The following TMEM14B variants were observed in gnomAD, a reference collection of about 807,000 sequenced individuals.
TMEM14B encodes the protein transmembrane protein 14B.
TMEM14B carries 9 observed loss-of-function variants against 14.8 expected under a neutral mutation model. The observed-to-expected ratio is 0.61, with a 90% CI of 0.37 to 1.06. The LOEUF (loss-of-function observed/expected upper bound fraction) is 1.06, where lower values mean the gene tolerates loss of function less well. Among genes scored for constraint, TMEM14B ranks in the 50% least tolerant of loss-of-function variants. TMEM14B has a pLI of 0.01. For synonymous variants in TMEM14B, 40 were observed against 51.3 expected (o/e 0.78, Z 0.94); for missense variants, 128 against 143.6 (o/e 0.89, Z 0.56).
At chr6:10,753,169 G>A (rs1771658154) in intron 4 of TMEM14B, among the ~76,000 whole-genome samples, 1 of 150,904 alleles carries the variant, frequency 6.6e-6, no homozygotes, top group Non-Finnish European at 1.5e-5. Context: ...CCGGGAAGTG[G>A]AGGTCGCGGT....
Position 10,749,619 on chromosome 6 carries a change from C to T in TMEM14B, c.24-3C>T, listed in dbSNP as rs1317296161. On this transcript the variant is annotated splice_polypyrimidine_tract_variant and splice_region_variant and intron_variant, in intron 2 of 5. Transcript: ENST00000379542. ...TTCTCACTGACTTCTCTTGTGTTTT[C>T]AGAGTGCCTTTGCATTGGTTTGGCT... The T allele has an allele frequency of 6.2e-7, 1 of 1,614,232 alleles. No individual in the cohort carries two copies. The highest frequency in any genetic ancestry group is 1.7e-5 in the Admixed American group (1 of 60,022).
intron 4 of TMEM14B, among the ~76,000 whole-genome samples, chr6:10,753,738 A>T (rs1238749160): frequency 6.6e-6 from 1 of 151,810 alleles, no homozygotes; most frequent in Non-Finnish European, 1.5e-5. Context: ...TCGGTTCTTG[A>T]TTGCTCTCTT....
At chr6:10,749,330 C>T in intron 2 of TMEM14B, 62 bp downstream of exon 2, 3 of 1,594,336 alleles carry the variant, frequency 1.9e-6, no homozygotes, top group Non-Finnish European at 2.6e-6. Flanking sequence ...AGTTCCTTTC[C>T]TCAGCTGAAA....
downstream of TMEM14B, chr6:10,757,024 G>A (rs1269665039): frequency 1.0e-6 from 1 of 967,820 alleles, no homozygotes; most frequent in African/African-American, 1.8e-5. Flanking sequence ...CTAGTTCATA[G>A]AATGAGATGT....
At chr6:10,752,406 G>T (rs1021437116) in intron 4 of TMEM14B, among the ~76,000 whole-genome samples, 3 of 149,116 alleles carry the variant, frequency 2.0e-5, no homozygotes, top group African/African-American at 7.4e-5. Context: ...GTGGATCCCC[G>T]CATTGATATT....
chr6:10,757,775 G>A (rs186081826), downstream of TMEM14B, among the ~76,000 whole-genome samples: 63 of 152,278 alleles, frequency 4.1e-4, no homozygotes, highest in African/African-American at 1.4e-3. Context: ...TGGATCACCT[G>A]AGGTCAGGAG....
intron 5 of TMEM14B, chr6:10,755,648 G>C: frequency 8.8e-7 from 1 of 1,131,838 alleles, no homozygotes; most frequent in South Asian, 3.3e-5. Context: ...AAACCAAATT[G>C]TGGTTTTTAA....
intron 3 of TMEM14B, 36 bp from the exon 4 acceptor site, chr6:10,751,097 G>T: frequency 6.2e-7 from 1 of 1,611,450 alleles, no homozygotes; most frequent in South Asian, 1.1e-5. Flanking sequence ...ATAAGTGCCT[G>T]ACATTACAAT....
intron 5 of TMEM14B, 43 bp from the exon 6 acceptor site, chr6:10,756,424 C>A: frequency 6.2e-7 from 1 of 1,609,068 alleles, no homozygotes. Flanking sequence ...GTTGCCTGTT[C>A]TATCCTTTAC....
In TMEM14B at chr6:10,748,539, C is replaced by T. The variant is rs183650720; in HGVS notation, c.-45+658C>T. On this transcript the variant is annotated intron_variant, in intron 1 of 5. Coordinates refer to ENST00000379542, the MANE Select transcript of TMEM14B (RefSeq NM_030969.5). ...AAGTACTGGGATTACAGGCGTGAGC[C>T]ACTTTGCCTGGCCTAATTCTTTAAA... is the stretch of plus-strand genomic sequence containing the variant. 6.6e-5 allele frequency among the ~76,000 whole-genome samples: 10 copies of T among 152,312 alleles called. No individual in the cohort carries two copies. The East Asian group carries it at 1.7e-3, about 26-fold the overall frequency.
chr6:10,756,124 G>T (rs533157748), intron 5 of TMEM14B, among the ~76,000 whole-genome samples: 1 of 152,298 alleles, frequency 6.6e-6, no homozygotes, highest in African/African-American at 2.4e-5. Flanking sequence ...ATGGAGCAAG[G>T]TCTAGAACAG....
At chr6:10,749,301 A>G in intron 2 of TMEM14B, 33 bp downstream of exon 2, 2 of 1,613,638 alleles carry the variant, frequency 1.2e-6, no homozygotes, top group Non-Finnish European at 1.7e-6. Context: ...GAGAGTAGCC[A>G]GGAGCTTCTG....
At chr6:10,750,297 G>A (rs1029860485) in intron 3 of TMEM14B, among the ~76,000 whole-genome samples, 2 of 151,836 alleles carry the variant, frequency 1.3e-5, no homozygotes, top group East Asian at 1.9e-4. Flanking sequence ...GTACTTGAGC[G>A]AGTTAGAGAA....
chr6:10,749,325 C>G, intron 2 of TMEM14B, 57 bp downstream of exon 2: 18 of 1,596,962 alleles, frequency 1.1e-5, no homozygotes, highest in Non-Finnish European at 1.5e-5. Context: ...ACCAGAGTTC[C>G]TTTCCTCAGC....
Position 10,755,211 on chromosome 6 carries a change from T to C in TMEM14B, c.272T>C (p.Val91Ala). Residue 91 changes from valine (V) to alanine (A), a missense_variant, in exon 5 of 6, where the codon GTA becomes GCA. By Grantham distance (64) the Val-to-Ala change is moderately conservative. Transcript: ENST00000379542. The stretch of plus-strand genomic sequence containing the variant: ...TACTACTATGGAAAATTCATGCCTG[T>C]AGGTTTAATTGCAGGTGCCAGGTAC... ...RSYYYGKFMP[V>A]GLIAGASLLM... The C allele has an allele frequency of 1.2e-5, 19 of 1,614,242 alleles. No homozygotes were observed. Among genetic ancestry groups the C allele is most frequent in the Middle Eastern group, 3.3e-4 (2 of 6,062 alleles).
Position 10,755,225 on chromosome 6 carries a change from G to A in TMEM14B, c.286G>A (p.Gly96Ser). The A allele has an allele frequency of 6.2e-7, 1 of 1,614,188 alleles. No individual in the cohort carries two copies. The highest frequency in any genetic ancestry group is 1.1e-5 in the South Asian group (1 of 91,080). ...ATTCATGCCTGTAGGTTTAATTGCA[G>A]GTGCCAGGTACTTTCATTCTATTAC... ...GKFMPVGLIA[G>S]ASLLMAAKVG... The change falls in exon 5 of 6, where the codon GGT becomes AGT. Residue 96 changes from glycine (G) to serine (S), a missense_variant. Gly to Ser is a moderately conservative substitution (Grantham distance 56). Transcript: ENST00000379542.
chr6:10,754,704 C>A (rs556677897), intron 4 of TMEM14B, among the ~76,000 whole-genome samples: 1 of 152,282 alleles, frequency 6.6e-6, no homozygotes, highest in South Asian at 2.1e-4. Context: ...AAGACAGTTA[C>A]GATTACTTTT....
intron 3 of TMEM14B, 46 bp downstream of exon 3, chr6:10,749,744 C>T: frequency 6.2e-7 from 1 of 1,605,002 alleles, no homozygotes; most frequent in Non-Finnish European, 8.5e-7. Context: ...TCACGTTGTT[C>T]CAGTGAAATG....
intron 4 of TMEM14B, 30 bp from the exon 5 acceptor site, chr6:10,755,112 A>C: frequency 6.2e-7 from 1 of 1,611,012 alleles, no homozygotes; most frequent in Non-Finnish European, 8.5e-7. Flanking sequence ...AAGACTAATG[A>C]GTTTTGACCC....
Sources: gnomAD v4.1 joint callset for allele counts (sites outside exome capture counted in the v4.1 genomes callset) on GRCh38, gnomAD v4.1.1 for gene constraint, MANE v1.5 for transcripts, NCBI Gene and HGNC (gene_info 2026-07-23, HGNC 2026-07-21) for gene names.